Variants in CHN2 observed in about 807,000 individuals in gnomAD.
CHN2 encodes the protein chimerin 2, also known as beta-chimaerin.
In CHN2, 35 loss-of-function variants were observed where a neutral mutation model predicts 56.3. The observed-to-expected ratio is 0.62, with a 90% CI of 0.47 to 0.82. The LOEUF is 0.82. Among genes scored for constraint, CHN2 ranks in the 40% least tolerant of loss-of-function variants. The pLI is 0.00. For synonymous variants in CHN2, 210 were observed against 212.8 expected (o/e 0.99, Z 0.12); for missense variants, 491 against 580.5 (o/e 0.85, Z 1.58).
chr7:29,499,387 C>T (rs1053811163), intron 8 of CHN2, among the ~76,000 whole-genome samples: 3 of 152,094 alleles, frequency 2.0e-5, no homozygotes, highest in African/African-American at 7.2e-5. Context: ...TACCAATGGT[C>T]GTGGGCTTCT....
chr7:29,371,101 A>C (rs182463616), intron 3 of CHN2, among the ~76,000 whole-genome samples: 217 of 152,320 alleles, frequency 1.4e-3, no homozygotes, highest in Non-Finnish European at 2.4e-3. Flanking sequence ...ATGGGTACTC[A>C]GTTAATGTTC....
At chr7:29,221,318 T>C (rs1785774305) in intron 1 of CHN2, among the ~76,000 whole-genome samples, 1 of 152,220 alleles carries the variant, frequency 6.6e-6, no homozygotes, top group Non-Finnish European at 1.5e-5. Context: ...AATGTGACTT[T>C]AACAAGAATG....
intron 2 of CHN2, among the ~76,000 whole-genome samples, chr7:29,173,649 A>G (rs933237666): frequency 6.6e-6 from 1 of 152,046 alleles, no homozygotes; most frequent in Non-Finnish European, 1.5e-5. Context: ...GGTTGTTGCC[A>G]TGGAGTGAGT....
At chr7:29,334,049 C>CTTTTTTT (rs70980529) in intron 1 of CHN2, among the ~76,000 whole-genome samples, 6 of 123,134 alleles carry the variant, frequency 4.9e-5, no homozygotes, top group African/African-American at 9.5e-5. Context: ...AATTTCTTTT[C>CTTTTTTT]TTTTTTTTTT....
intron 2 of CHN2, among the ~76,000 whole-genome samples, chr7:29,162,661 C>CAAA (rs35159645): frequency 6.9e-5 from 4 of 58,302 alleles, no homozygotes; most frequent in Admixed American, 1.5e-4. Context: ...AACTCCATCT[C>CAAA]AAAAAAAAAA....
chr7:29,348,117 C>G (rs1797603665), intron 1 of CHN2, among the ~76,000 whole-genome samples: 1 of 152,130 alleles, frequency 6.6e-6, no homozygotes, highest in South Asian at 2.1e-4. Flanking sequence ...GGAGGTATTA[C>G]TTTATTTTTG....
intron 3 of CHN2, among the ~76,000 whole-genome samples, chr7:29,388,721 A>G (rs1198075323): frequency 1.3e-5 from 2 of 152,190 alleles, no homozygotes; most frequent in African/African-American, 2.4e-5. Flanking sequence ...AATGATAGAC[A>G]TATTAGAGGG....
chr7:29,436,977 T>A (rs1448373724), intron 6 of CHN2, among the ~76,000 whole-genome samples: 1 of 151,558 alleles, frequency 6.6e-6, no homozygotes, highest in African/African-American at 2.4e-5. Context: ...ATTTACTCTT[T>A]GATCTTACTG....
intron 6 of CHN2, among the ~76,000 whole-genome samples, chr7:29,450,850 C>T (rs1784356578): frequency 6.6e-6 from 1 of 151,864 alleles, no homozygotes; most frequent in Non-Finnish European, 1.5e-5. Flanking sequence ...TGGCTCACTG[C>T]AACCTCCGCC....
In CHN2 at chr7:29,225,214, T is replaced by C. The variant is rs185571408; in HGVS notation, c.49+30224T>C. On this transcript the variant is annotated intron_variant, in intron 1 of 12. Transcript: ENST00000222792. ...TTGTCATCAAATACTTCACGAATAATTTAAATTAATCCATAATTTGTCTAA... is the reference window on the plus strand; with the variant it reads ...TTGTCATCAAATACTTCACGAATAACTTAAATTAATCCATAATTTGTCTAA... Among the ~76,000 whole-genome samples the C allele has an allele frequency of 1.5e-3, 236 of 152,334 alleles. 1 individual carries two copies. The highest frequency in any genetic ancestry group is 5.3e-3 in the African/African-American group (221 of 41,564).
intron 2 of CHN2, among the ~76,000 whole-genome samples, chr7:29,356,252 A>G (rs1327105368): frequency 6.6e-6 from 1 of 152,154 alleles, no homozygotes; most frequent in Admixed American, 6.5e-5. Flanking sequence ...ATATATACCT[A>G]TGTGCATGTA....
intron 12 of CHN2, among the ~76,000 whole-genome samples, chr7:29,509,856 AAAAAG>A (rs1260463550): frequency 2.6e-5 from 4 of 151,764 alleles, no homozygotes; most frequent in Non-Finnish European, 5.9e-5. Context: ...AAAAAAAAAA[AAAAAG>A]AAAAAGAAAG....
chr7:29,244,471 G>C (rs1367080475), intron 1 of CHN2, among the ~76,000 whole-genome samples: 1 of 152,222 alleles, frequency 6.6e-6, no homozygotes, highest in African/African-American at 2.4e-5. Context: ...GGGCTTCAAG[G>C]CTGATAGGTT....
intron 6 of CHN2, among the ~76,000 whole-genome samples, chr7:29,472,777 G>A (rs557896925): frequency 6.6e-6 from 1 of 152,238 alleles, no homozygotes; most frequent in South Asian, 2.1e-4. Flanking sequence ...TTCTTTTATA[G>A]GTAGGTTAAA....
intron 2 of CHN2, among the ~76,000 whole-genome samples, chr7:29,367,293 G>C (rs559610310): frequency 6.6e-6 from 1 of 152,210 alleles, no homozygotes; most frequent in Non-Finnish European, 1.5e-5. Flanking sequence ...AATTAGGTTA[G>C]GAAGGAGTTA....
At chr7:29,445,110 T>G (rs1298163159) in intron 6 of CHN2, 5 of 455,844 alleles carry the variant, frequency 1.1e-5, no homozygotes, top group Non-Finnish European at 2.2e-5. Flanking sequence ...TCCTCCACGC[T>G]TTCTTCTGGA....
chr7:29,449,890 C>G (rs548361519), intron 6 of CHN2, among the ~76,000 whole-genome samples: 2 of 152,310 alleles, frequency 1.3e-5, no homozygotes, highest in African/African-American at 4.8e-5. Flanking sequence ...TGTTCTAAAG[C>G]AAACCACTCT....
chr7:29,164,189 A>G (rs1327720198), intron 2 of CHN2, among the ~76,000 whole-genome samples: 5 of 152,324 alleles, frequency 3.3e-5, no homozygotes, highest in South Asian at 2.1e-4. Context: ...GATTATTGCC[A>G]TCATGCTAGG....
At chr7:29,182,851 G>A (rs150648348) in intron 2 of CHN2, among the ~76,000 whole-genome samples, 27 of 152,246 alleles carry the variant, frequency 1.8e-4, no homozygotes, top group East Asian at 1.4e-3. Context: ...TGTTAATCCC[G>A]TTTTTGCCCT....
Sources: gnomAD v4.1 joint callset for allele counts (sites outside exome capture counted in the v4.1 genomes callset) on GRCh38, gnomAD v4.1.1 for gene constraint, MANE v1.5 for transcripts, NCBI Gene and HGNC (gene_info 2026-07-23, HGNC 2026-07-21) for gene names.